ZNF519: variants seen among roughly 807,000 people sequenced by gnomAD.
ZNF519 encodes similar to Zinc finger protein 85 (Zinc finger protein HPF4) (HTF1).
In ZNF519, 7 loss-of-function variants were observed where a neutral mutation model predicts 7.4. The observed-to-expected ratio is 0.94, with a 90% CI of 0.54 to 1.77. The LOEUF (loss-of-function observed/expected upper bound fraction) is 1.77. Ranked by LOEUF, ZNF519 falls within the 40% of genes most tolerant of loss-of-function variation. The pLI is 0.00. For missense variants in ZNF519, 586 were observed against 623.1 expected (o/e 0.94, Z 0.63); for synonymous variants, 179 against 203.3 (o/e 0.88, Z 1.02).
downstream of ZNF519, among the ~76,000 whole-genome samples, chr18:14,095,040 C>T (rs188913230): frequency 2.0e-5 from 3 of 152,278 alleles, no homozygotes; most frequent in East Asian, 5.8e-4. Flanking sequence ...GGGTCAGTCC[C>T]TGGTGCCTTG....
At chr18:14,089,802 G>C (rs1433210151) in intron 2 of ZNF519, 1 of 152,132 alleles carries the variant, frequency 6.6e-6, no homozygotes, top group Non-Finnish European at 1.5e-5. Context: ...CAGTAATGGA[G>C]ATAGGCCTAT....
At chr18:14,128,445 C>T (rs1479370110) in intron 1 of ZNF519, among the ~76,000 whole-genome samples, 1 of 152,022 alleles carries the variant, frequency 6.6e-6, no homozygotes. Flanking sequence ...TCAACTGTAC[C>T]ATTTGTCATA....
At chr18:14,091,475 T>A (rs180886043) in intron 2 of ZNF519, among the ~76,000 whole-genome samples, 40 of 152,206 alleles carry the variant, frequency 2.6e-4, no homozygotes. Context: ...CTGGGTCTTA[T>A]GGTGGAAGAG....
chr18:14,129,474 C>T (rs1037517476), intron 1 of ZNF519, among the ~76,000 whole-genome samples: 2 of 152,082 alleles, frequency 1.3e-5, no homozygotes, highest in African/African-American at 4.8e-5. Context: ...CTCGTTCCAT[C>T]TCACAGTAGG....
intron 2 of ZNF519, among the ~76,000 whole-genome samples, chr18:14,086,430 G>C (rs2046090780): frequency 6.6e-6 from 1 of 152,218 alleles, no homozygotes; most frequent in African/African-American, 2.4e-5. Flanking sequence ...CTTTGGGCAT[G>C]ATGTAGCATC....
In ZNF519 at chr18:14,129,019, A is replaced by C. The variant is rs2046316492; in HGVS notation, c.3+3256T>G. Reference sequence around the variant, plus strand: ...CATGAAAGAGGATTTGTGGGGAAGAAAAAAGCAGAAAAGAGAAAGATGCTA... The same window carrying C: ...CATGAAAGAGGATTTGTGGGGAAGACAAAAGCAGAAAAGAGAAAGATGCTA... On this transcript the variant is annotated intron_variant, in intron 1 of 2. Coordinates refer to ENST00000590202, the MANE Select transcript of ZNF519 (RefSeq NM_145287.4). Among the ~76,000 whole-genome samples, 4 of 152,244 alleles carry C rather than the reference A, an allele frequency of 2.6e-5. No homozygotes were observed. In the South Asian group the frequency reaches 8.3e-4, roughly 32 times the overall value.
intron 2 of ZNF519, among the ~76,000 whole-genome samples, chr18:14,089,360 C>T (rs543076726): frequency 6.6e-6 from 1 of 152,224 alleles, no homozygotes; most frequent in South Asian, 2.1e-4. Flanking sequence ...ATCTTATGAA[C>T]TGTAGGACTC....
intron 2 of ZNF519, among the ~76,000 whole-genome samples, chr18:14,118,164 T>C (rs2046254594): frequency 2.0e-5 from 3 of 152,110 alleles, no homozygotes; most frequent in Non-Finnish European, 2.9e-5. Flanking sequence ...GTTCATACCA[T>C]TCTCCTGCCT....
intron 2 of ZNF519, among the ~76,000 whole-genome samples, chr18:14,117,767 CAG>C (rs1373133654): frequency 5.3e-5 from 8 of 152,056 alleles, no homozygotes; most frequent in Non-Finnish European, 1.0e-4. Context: ...AGGAGCAAGA[CAG>C]AGTGAGGGTG....
chr18:14,117,058 A>G (rs540926694), intron 2 of ZNF519, among the ~76,000 whole-genome samples: 2 of 152,318 alleles, frequency 1.3e-5, no homozygotes, highest in Admixed American at 1.3e-4. Context: ...TGGTCTCAGC[A>G]ATGTTTTCTT....
chr18:14,095,665 T>A (rs576022661), downstream of ZNF519, among the ~76,000 whole-genome samples: 1 of 152,228 alleles, frequency 6.6e-6, no homozygotes, highest in African/African-American at 2.4e-5. Context: ...TCTGTGGGCA[T>A]TGGCCTGGGG....
At chr18:14,113,229 C>A (rs916205511) in intron 2 of ZNF519, among the ~76,000 whole-genome samples, 35 of 152,174 alleles carry the variant, frequency 2.3e-4, no homozygotes, top group Admixed American at 2.2e-3. Context: ...AGGGACAAGT[C>A]AAGCTGGGAA....
intron 3 of ZNF519, among the ~76,000 whole-genome samples, chr18:14,078,458 A>C (rs2046057356): frequency 6.6e-6 from 1 of 152,196 alleles, no homozygotes; most frequent in South Asian, 2.1e-4. Flanking sequence ...CATTTATCAA[A>C]TAGTCCCTTT....
At chr18:14,119,399 G>A (rs952248448) in intron 2 of ZNF519, among the ~76,000 whole-genome samples, 1 of 152,164 alleles carries the variant, frequency 6.6e-6, no homozygotes, top group Non-Finnish European at 1.5e-5. Context: ...TAGTTATACT[G>A]TGCCACTATC....
intron 3 of ZNF519, chr18:14,080,329 T>TG (rs2046065992): frequency 7.0e-6 from 1 of 142,394 alleles, no homozygotes; most frequent in African/African-American, 2.6e-5. Context: ...TTTTTTTTTT[T>TG]TTTTTTTTTT....
At chr18:14,129,198 T>A (rs1016386966) in intron 1 of ZNF519, among the ~76,000 whole-genome samples, 1 of 152,094 alleles carries the variant, frequency 6.6e-6, no homozygotes, top group African/African-American at 2.4e-5. Context: ...CCTGGGTTGG[T>A]GAAAAAAACA....
At chr18:14,122,686 A>T (rs1452539939) in intron 2 of ZNF519, 2 of 152,140 alleles carry the variant, frequency 1.3e-5, no homozygotes, top group East Asian at 3.9e-4. Context: ...AACAAAACAA[A>T]ACAAAAAACA....
intron 2 of ZNF519, among the ~76,000 whole-genome samples, chr18:14,094,903 T>C (rs548571495): frequency 1.7e-4 from 26 of 152,328 alleles, no homozygotes; most frequent in Admixed American, 1.6e-3. Flanking sequence ...TAAAACATTA[T>C]TTCAATCTTT....
chr18:14,087,089 C>A (rs995032010), intron 2 of ZNF519, among the ~76,000 whole-genome samples: 1 of 152,040 alleles, frequency 6.6e-6, no homozygotes, highest in African/African-American at 2.4e-5. Flanking sequence ...TCAACATATG[C>A]AAATCAATAA....
Sources: allele counts gnomAD v4.1 joint callset (sites outside exome capture counted in the v4.1 genomes callset), GRCh38; gene constraint gnomAD v4.1.1; transcripts MANE v1.5; gene names NCBI Gene and HGNC (gene_info 2026-07-23, HGNC 2026-07-21).